TERT: variants seen among roughly 807,000 people sequenced by gnomAD.
The protein encoded by TERT is telomerase catalytic subunit.
Under a neutral mutation model 104.0 loss-of-function variants are expected in TERT, and 42 were observed. The ratio of observed to expected loss-of-function variants is 0.40; its 90% CI spans 0.32 to 0.52. The LOEUF is 0.52. Among genes scored for constraint, TERT ranks in the 20% least tolerant of loss-of-function variants. The pLI, the probability that TERT is intolerant of heterozygous loss-of-function variation, is 0.43. For missense variants in TERT, 1,101 were observed against 1,610.3 expected, an observed-to-expected ratio of 0.68 and a Z score of 5.41; for synonymous variants, 781 against 725.6, an observed-to-expected ratio of 1.08 and a Z score of -1.23.
intron 2 of TERT, among the ~76,000 whole-genome samples, chr5:1,289,392 C>A (rs1750718909): frequency 7.1e-6 from 1 of 140,156 alleles, no homozygotes; most frequent in Non-Finnish European, 1.6e-5. Context: ...CCTCACTCAC[C>A]CTGCACGTGA....
intron 2 of TERT, among the ~76,000 whole-genome samples, chr5:1,291,229 C>T (rs547176510): frequency 2.6e-5 from 3 of 114,252 alleles, no homozygotes; most frequent in Non-Finnish European, 5.3e-5. Context: ...TGGGGCCGCG[C>T]CTCACTCACC....
rs1327730577 is a variant in TERT, at chr5:1,295,040, G to A, written c.-51C>T. The A allele has an allele frequency of 1.7e-6, 2 of 1,211,818 alleles. No homozygotes were observed. 75.1% of individuals were successfully genotyped at this position (1,211,818 alleles called of 1,614,324 possible). On this transcript the variant is annotated 5_prime_UTR_variant, in exon 1 of 16. Coordinates refer to ENST00000310581, the MANE Select transcript of TERT (RefSeq NM_198253.3). ...TCCCACGTGCGCAGCAGGACGCAGC[G>A]CTGCCTGAAACTCGCGCCGCGAGGA...
Position 1,261,751 on chromosome 5 carries a change from C to T in TERT, c.2844-1151G>A, listed in dbSNP as rs33987455. Among the ~76,000 whole-genome samples, 1,000 of 152,294 alleles carry T rather than the reference C, an allele frequency of 6.6e-3. 5 individuals are homozygous for T. Among genetic ancestry groups the T allele is most frequent in the Non-Finnish European group, 9.1e-3 (617 of 68,034 alleles). On this transcript the variant is annotated intron_variant, in intron 11 of 15. Coordinates refer to ENST00000310581, the MANE Select transcript of TERT (RefSeq NM_198253.3). The surrounding 1 kb of genome is among the most constrained non-coding windows in gnomAD (Gnocchi z 7.4). ...CCATCCCCAACACGACCTTGGGCTC[C>T]GGCTCACCCTGAGCCTATGGGTCTG...
At chr5:1,260,732 G>A (rs558011747) in intron 11 of TERT, 132 bp from the exon 12 acceptor site, 21 of 1,302,926 alleles carry the variant, frequency 1.6e-5, no homozygotes, top group Admixed American at 9.8e-5. Flanking sequence ...GCTGCAGCCC[G>A]AGGGGGCTGG....
Position 1,294,850 on chromosome 5 carries a change from A to C in TERT, c.140T>G (p.Phe47Cys). Residue 47 changes from phenylalanine to cysteine, a missense_variant, in exon 1 of 16, where the codon TTC (phenylalanine) becomes TGC (cysteine). Physicochemically the swap from Phe to Cys is radical, Grantham distance 205 (BLOSUM62 -2). Around this residue, in one of 5 missense-constraint regions of TERT, gnomAD observed 87 missense variants for 145.4 expected, o/e 0.60. Transcript: ENST00000310581. ...CAGGCACTGGGCCACCAGCGCGCGGAAAGCCGCCGGGTCCCCGCGCTGCAC... is the reference window on the plus strand; with the variant it reads ...CAGGCACTGGGCCACCAGCGCGCGGCAAGCCGCCGGGTCCCCGCGCTGCAC... ...RLVQRGDPAA[F>C]RALVAQCLVC... 2 of 1,458,664 alleles carry C rather than the reference A, an allele frequency of 1.4e-6. No homozygotes were observed. Among genetic ancestry groups the C allele is most frequent in the Non-Finnish European group, 1.8e-6 (2 of 1,114,080 alleles). The allele number at this position is 1,458,664 out of a possible 1,614,324, so 90.4% of individuals were successfully genotyped here.
rs201957947 is a variant in TERT at position 1,264,320 on chromosome 5, C to T, written c.2843+84G>A. 8.1e-5 allele frequency: 116 copies of T among 1,440,490 alleles called. 1 individual carries two copies. The highest frequency in any genetic ancestry group is 2.7e-4 in the East Asian group (11 of 40,346). 89.2% of individuals were successfully genotyped at this position (1,440,490 alleles called of 1,614,324 possible). A position where few individuals can be genotyped will look rare whatever the true frequency, so the allele number is the denominator to read the frequency against. The stretch of plus-strand genomic sequence containing the variant: ...GGGATTGGCAGTCGCCTGCCCCACA[C>T]GGAAGCAGAGGTGGACGCAACGGCC... On this transcript the variant is annotated intron_variant, in intron 11 of 15. Coordinates refer to ENST00000310581, the MANE Select transcript of TERT (RefSeq NM_198253.3).
intron 12 of TERT, among the ~76,000 whole-genome samples, chr5:1,260,001 G>A (rs1040879381): frequency 3.9e-5 from 6 of 152,082 alleles, no homozygotes; most frequent in South Asian, 2.1e-4. Flanking sequence ...GGGAGTGGAC[G>A]CGGATGCCCA....
rs556309418 is a variant in TERT at position 1,287,597 on chromosome 5, A to G, written c.1574-4973T>C. Among the ~76,000 whole-genome samples the G allele has an allele frequency of 6.6e-6, 1 of 151,910 alleles. No individual in the cohort carries two copies. Among genetic ancestry groups the G allele is most frequent in the Admixed American group, 6.6e-5 (1 of 15,254 alleles). ...AGAAGCCCAGTGTGGCAGTACTAAG[A>G]GCAATTTAAAAAAAGAATTACTAGA... On this transcript the variant is annotated intron_variant, in intron 2 of 15. Transcript: ENST00000310581. The surrounding 1 kb of genome is among the most constrained non-coding windows in gnomAD (Gnocchi z 4.3).
Position 1,268,453 on chromosome 5 carries a change from T to C in TERT, c.2582+67A>G, listed in dbSNP as rs1748773270. ...ATGGTCTCCAGAGCACCAGGAATAT[T>C]AACACTGAATGCATCAAAAGCAAAT... is the stretch of plus-strand genomic sequence containing the variant. On this transcript the variant is annotated intron_variant, in intron 9 of 15. Transcript: ENST00000310581. This position sits in a 1 kb window ranked among gnomAD's most constrained non-coding sequence, Gnocchi z 5.5. 1 of 1,219,974 alleles carries C rather than the reference T, an allele frequency of 8.2e-7. No homozygotes were observed. Among genetic ancestry groups the C allele is most frequent in the Admixed American group, 1.8e-5 (1 of 54,548 alleles). 75.6% of individuals were successfully genotyped at this position (1,219,974 alleles called of 1,614,324 possible).
chr5:1,281,937 A>T (rs1469822221), intron 3 of TERT, among the ~76,000 whole-genome samples: 4 of 152,058 alleles, frequency 2.6e-5, no homozygotes, highest in Non-Finnish European at 5.9e-5. Flanking sequence ...AAAGTACAAA[A>T]ATTAGCCAGG....
intron 9 of TERT, among the ~76,000 whole-genome samples, chr5:1,267,389 G>C (rs957882509): frequency 2.6e-5 from 4 of 152,206 alleles, no homozygotes; most frequent in Admixed American, 6.5e-5. Flanking sequence ...GTTGGTGGGA[G>C]TGTAAACTAG....
chr5:1,281,059 G>T (rs1205832588), intron 3 of TERT, among the ~76,000 whole-genome samples: 1 of 152,144 alleles, frequency 6.6e-6, no homozygotes, highest in Non-Finnish European at 1.5e-5. Context: ...GGCCTCCAAG[G>T]CCCCCCAGGC....
At position 1,260,609 on chromosome 5, in the gene TERT, CAG is replaced by C. The variant is rs773793700; in HGVS notation, c.2844-11_2844-10del. ...TGGAGGTCCGGGCATAGCTGAGACA[CAG>C]GGGGGAATGTCAGACACAGGTGCCT... On this transcript the variant is annotated splice_polypyrimidine_tract_variant and intron_variant, in intron 11 of 15. Coordinates refer to ENST00000310581, the MANE Select transcript of TERT (RefSeq NM_198253.3). 17 of 1,613,468 alleles carry C rather than the reference CAG, an allele frequency of 1.1e-5. No homozygotes were observed. Among genetic ancestry groups the C allele is most frequent in the East Asian group, 6.7e-5 (3 of 44,878 alleles).
Position 1,295,042 on chromosome 5 carries a change from T to C in TERT, c.-53A>G, listed in dbSNP as rs1751309754. On this transcript the variant is annotated 5_prime_UTR_variant, in exon 1 of 16. Coordinates refer to ENST00000310581, the MANE Select transcript of TERT (RefSeq NM_198253.3). ...CCACGTGCGCAGCAGGACGCAGCGC[T>C]GCCTGAAACTCGCGCCGCGAGGAGA... 12 of 1,134,910 alleles carry C rather than the reference T, an allele frequency of 1.1e-5. No individual in the cohort carries two copies. The highest frequency in any genetic ancestry group is 1.1e-5 in the Non-Finnish European group (10 of 907,996). 70.3% of individuals were successfully genotyped at this position (1,134,910 alleles called of 1,614,324 possible). A position where few individuals can be genotyped will look rare whatever the true frequency, so the allele number is the denominator to read the frequency against.
At chr5:1,289,748 C>G (rs71575532) in intron 2 of TERT, among the ~76,000 whole-genome samples, 2 of 106,976 alleles carry the variant, frequency 1.9e-5, no homozygotes, top group South Asian at 3.0e-4. Context: ...ACAGGGACAC[C>G]CGGGGACAGT....
In TERT at chr5:1,286,028, G is replaced by A. The variant is rs944982781; in HGVS notation, c.1574-3404C>T. Among the ~76,000 whole-genome samples, 2 of 152,060 alleles carry A rather than the reference G, an allele frequency of 1.3e-5. No homozygotes were observed. Among genetic ancestry groups the A allele is most frequent in the East Asian group, 1.9e-4 (1 of 5,166 alleles). ...AGCTGGCGCCACACCGCAGGTTTGCGCGATTTCAAACTCGACACCGCGGAG... is the reference window on the plus strand; with the variant it reads ...AGCTGGCGCCACACCGCAGGTTTGCACGATTTCAAACTCGACACCGCGGAG... On this transcript the variant is annotated intron_variant, in intron 2 of 15. Coordinates refer to ENST00000310581, the MANE Select transcript of TERT (RefSeq NM_198253.3). This position sits in a 1 kb window ranked among gnomAD's most constrained non-coding sequence, Gnocchi z 5.3.
rs1395087899 is a variant in TERT at position 1,253,476 on chromosome 5, G to A, written c.*252C>T. The A allele has an allele frequency of 5.1e-6, 3 of 583,540 alleles. No homozygotes were observed. Among genetic ancestry groups the A allele is most frequent in the East Asian group, 5.7e-5 (2 of 35,180 alleles). 36.1% of individuals were successfully genotyped at this position (583,540 alleles called of 1,614,324 possible). ...AAAGCTGGCCCTGGGGTGGAGCCGA[G>A]CGCCAGCCTGTGGGGAAGTGAAGAC... On this transcript the variant is annotated 3_prime_UTR_variant, in exon 16 of 16. Coordinates refer to ENST00000310581, the MANE Select transcript of TERT (RefSeq NM_198253.3).
chr5:1,272,325 C>T (rs749560791), intron 6 of TERT, 45 bp from the exon 7 acceptor site: 67 of 1,509,862 alleles, frequency 4.4e-5, no homozygotes, highest in Admixed American at 1.8e-4. Context: ...TGGCCTGCCC[C>T]GGCCAGAGCT....
Position 1,256,721 on chromosome 5 carries a change from A to C in TERT, c.3033-1310T>G, listed in dbSNP as rs974701469. 9.0e-4 allele frequency among the ~76,000 whole-genome samples: 137 copies of C among 152,186 alleles called. No homozygotes were observed. Among genetic ancestry groups the C allele is most frequent in the Non-Finnish European group, 1.2e-3 (80 of 68,040 alleles). On this transcript the variant is annotated intron_variant, in intron 13 of 15. Transcript: ENST00000310581. The surrounding 1 kb of genome is among the most constrained non-coding windows in gnomAD (Gnocchi z 7.0). ...TAGCAACAACGGAAGCCAGGCCCAG[A>C]ATGTTTTTAAACAAATAAATAAGCC...
Sources: gnomAD v4.1 joint callset for allele counts (sites outside exome capture counted in the v4.1 genomes callset) on GRCh38, gnomAD v4.1.1 for gene constraint, gnomAD v4.1.1 regional missense constraint, Gnocchi (gnomAD v3.1) non-coding constraint, MANE v1.5 for transcripts, NCBI Gene and HGNC (gene_info 2026-07-23, HGNC 2026-07-21) for gene names.